The following LGSN variants were observed in gnomAD, a reference collection of about 807,000 sequenced individuals.
LGSN encodes the protein lengsin, lens protein with glutamine synthetase domain.
A neutral mutation model predicts 19.5 loss-of-function variants in LGSN; 21 were observed. That is an observed-to-expected ratio of 1.07 (90% CI 0.76 to 1.55). The LOEUF (loss-of-function observed/expected upper bound fraction) is 1.55, where lower values mean the gene tolerates loss of function less well. Ranked by LOEUF, LGSN falls within the 40% of genes most tolerant of loss-of-function variation. The probability of loss-of-function intolerance (pLI) is 0.00; values close to 1 mark genes in which losing one functional copy is unlikely to be tolerated. For synonymous variants in LGSN, 257 were observed against 215.6 expected (o/e 1.19, Z -1.68); for missense variants, 673 against 608.5 (o/e 1.11, Z -1.12).
the LGSN span, among the ~76,000 whole-genome samples, chr6:63,457,618 C>T: frequency 3.3e-5 from 5 of 152,190 alleles, no homozygotes; most frequent in African/African-American, 7.2e-5. Flanking sequence ...TGGCTTACGC[C>T]TGTAATTCCA....
the LGSN span, among the ~76,000 whole-genome samples, chr6:63,366,739 T>G: frequency 3.9e-5 from 6 of 152,074 alleles, no homozygotes; most frequent in East Asian, 3.9e-4. Context: ...TAGCAAAACA[T>G]AGATATAGAC....
intron 2 of LGSN, among the ~76,000 whole-genome samples, chr6:63,291,521 C>T (rs1384409952): frequency 2.0e-5 from 3 of 152,216 alleles, no homozygotes; most frequent in Non-Finnish European, 4.4e-5. Flanking sequence ...TCCTCCCCAC[C>T]TTCAGATGCT....
At chr6:63,390,118 C>CTTTTTTTCTTTT in the LGSN span, among the ~76,000 whole-genome samples, 1 of 66,336 alleles carries the variant, frequency 1.5e-5, no homozygotes. Flanking sequence ...TTCTTTCTTT[C>CTTTTTTTCTTTT]TTTTTTTTTT....
chr6:63,572,577 C>T, the LGSN span: 5 of 414,860 alleles, frequency 1.2e-5, no homozygotes, highest in Non-Finnish European at 1.7e-5. Flanking sequence ...GTGCCCCCGC[C>T]GCCGCCTGCA....
the LGSN span, among the ~76,000 whole-genome samples, chr6:63,553,382 G>T: frequency 6.6e-6 from 1 of 152,128 alleles, no homozygotes; most frequent in African/African-American, 2.4e-5. Context: ...ACACAATTTT[G>T]GTCTCCATGA....
At chr6:63,476,542 G>A in the LGSN span, among the ~76,000 whole-genome samples, 1 of 152,178 alleles carries the variant, frequency 6.6e-6, no homozygotes, top group Non-Finnish European at 1.5e-5. Context: ...AAAGATACAA[G>A]GCAGTCGGTG....
chr6:63,341,741 C>CT, the LGSN span, among the ~76,000 whole-genome samples: 16 of 151,426 alleles, frequency 1.1e-4, no homozygotes, highest in South Asian at 1.7e-3. Flanking sequence ...TTTGCTTTGC[C>CT]TTTTTTTTTC....
At chr6:63,365,776 G>C in the LGSN span, among the ~76,000 whole-genome samples, 450 of 152,270 alleles carry the variant, frequency 3.0e-3, 3 homozygotes, top group African/African-American at 0.01. Flanking sequence ...TGCAAGGCTG[G>C]TTCAACATAT....
chr6:63,324,067 C>T (rs891980394), upstream of LGSN, among the ~76,000 whole-genome samples: 5 of 152,086 alleles, frequency 3.3e-5, no homozygotes, highest in East Asian at 5.8e-4. Flanking sequence ...CCACCGCTTC[C>T]GGCTTGCATT....
chr6:63,360,307 G>A, the LGSN span, among the ~76,000 whole-genome samples: 4 of 152,298 alleles, frequency 2.6e-5, no homozygotes, highest in Admixed American at 6.5e-5. Flanking sequence ...CCAATCAGAC[G>A]TAGATTTGGA....
At chr6:63,432,088 GGAAAGAAAGAAAGAAA>G in the LGSN span, among the ~76,000 whole-genome samples, 3,550 of 44,684 alleles carry the variant, frequency 0.079, 184 homozygotes, top group East Asian at 0.095. Flanking sequence ...AGAAAAAGAA[GGAAAGAAAGAAAGAAA>G]GAAAGAAAGA....
chr6:63,451,080 TA>T, the LGSN span, among the ~76,000 whole-genome samples: 3 of 152,072 alleles, frequency 2.0e-5, no homozygotes, highest in Admixed American at 6.5e-5. Context: ...AATTTAAGAT[TA>T]AAAAACAGCT....
chr6:63,356,036 C>T, the LGSN span, among the ~76,000 whole-genome samples: 19,812 of 152,028 alleles, frequency 0.13, 2,863 homozygotes, highest in African/African-American at 0.36. Flanking sequence ...CTTCCTTCTA[C>T]GCACATCTAT....
At chr6:63,290,717 A>G (rs2127386120) in intron 2 of LGSN, among the ~76,000 whole-genome samples, 1 of 152,286 alleles carries the variant, frequency 6.6e-6, no homozygotes, top group Non-Finnish European at 1.5e-5. Context: ...TGTAGGCCAT[A>G]TGGTATTCGT....
the LGSN span, among the ~76,000 whole-genome samples, chr6:63,356,057 C>G: frequency 6.6e-6 from 1 of 150,976 alleles, no homozygotes; most frequent in Non-Finnish European, 1.5e-5. Flanking sequence ...ATATATATGT[C>G]CAAATTTCCC....
the LGSN span, among the ~76,000 whole-genome samples, chr6:63,457,899 T>C: frequency 6.6e-6 from 1 of 152,076 alleles, no homozygotes; most frequent in Non-Finnish European, 1.5e-5. Context: ...ATTAATTAAT[T>C]AATTAAAATA....
rs529477624 is a variant in LGSN at position 63,286,625 on chromosome 6, C to T, written c.164-872G>A. Among the ~76,000 whole-genome samples the T allele has an allele frequency of 9.9e-5, 15 of 152,176 alleles. 1 individual carries two copies. The South Asian group carries it at 3.1e-3, about 32-fold the overall frequency. ...TGATTCATGCTGGGTGGCTTATTAC[C>T]ACAAATTAAATTAATATGTCTAGAG... On this transcript the variant is annotated intron_variant, in intron 2 of 3. Transcript: ENST00000370657.
the LGSN span, among the ~76,000 whole-genome samples, chr6:63,328,066 T>G: frequency 6.6e-6 from 1 of 152,236 alleles, no homozygotes; most frequent in East Asian, 1.9e-4. Flanking sequence ...TATACACATT[T>G]ATTCTTTTTC....
chr6:63,438,448 C>G, the LGSN span, among the ~76,000 whole-genome samples: 1 of 152,120 alleles, frequency 6.6e-6, no homozygotes, highest in Non-Finnish European at 1.5e-5. Flanking sequence ...TTTTTGCAAC[C>G]TACTCATCTG....
Sources: allele counts gnomAD v4.1 joint callset (sites outside exome capture counted in the v4.1 genomes callset), GRCh38; gene constraint gnomAD v4.1.1; transcripts MANE v1.5; gene names NCBI Gene and HGNC (gene_info 2026-07-23, HGNC 2026-07-21).